Variants in RBM33 observed in about 807,000 individuals in gnomAD.
RBM33 encodes the protein RNA-binding protein 33.
In RBM33, 28 loss-of-function variants were observed where a neutral mutation model predicts 132.6. The ratio of observed to expected loss-of-function variants is 0.21; its 90% CI spans 0.16 to 0.29. RBM33 has a LOEUF of 0.29. RBM33 is among the 10% of genes least tolerant of loss of function. The pLI is 1.00. For synonymous variants in RBM33, 634 were observed against 593.0 expected (o/e 1.07, Z -1.01); for missense variants, 1,291 against 1,518.5 (o/e 0.85, Z 2.49).
intron 1 of RBM33, among the ~76,000 whole-genome samples, chr7:155,663,363 T>C (rs2116888263): frequency 6.6e-6 from 1 of 152,154 alleles, no homozygotes; most frequent in East Asian, 1.9e-4. Context: ...TGTCAGCGCC[T>C]GCTCAGTTTC....
intron 3 of RBM33, among the ~76,000 whole-genome samples, chr7:155,673,768 G>A (rs142143189): frequency 0.036 from 4,751 of 132,898 alleles, 433 homozygotes; most frequent in African/African-American, 0.087. Context: ...GCGCATGCGC[G>A]CACACACACA....
chr7:155,665,366 C>A (rs1798774156), intron 2 of RBM33, 113 bp downstream of exon 2: 3 of 881,282 alleles, frequency 3.4e-6, no homozygotes, highest in East Asian at 2.7e-5. Flanking sequence ...GGCGCTCTCT[C>A]TTGAGTGGGG....
chr7:155,680,991 C>A, intron 5 of RBM33, 83 bp downstream of exon 5: 1 of 1,146,608 alleles, frequency 8.7e-7, no homozygotes, highest in Non-Finnish European at 1.2e-6. Flanking sequence ...ATCTATTTAC[C>A]TCCCCTGGGA....
At chr7:155,674,365 C>T (rs139068235) in intron 3 of RBM33, among the ~76,000 whole-genome samples, 68 of 152,206 alleles carry the variant, frequency 4.5e-4, no homozygotes, top group African/African-American at 1.6e-3. Flanking sequence ...TTTGCATACT[C>T]TTCTAGGTGC....
chr7:155,701,233 C>A, intron 6 of RBM33: 4 of 487,742 alleles, frequency 8.2e-6, no homozygotes, highest in Non-Finnish European at 1.4e-5. Flanking sequence ...TGCTGTGGTT[C>A]CTGGCTGGTC....
chr7:155,652,704 C>T (rs529488199), intron 1 of RBM33, among the ~76,000 whole-genome samples: 1 of 152,222 alleles, frequency 6.6e-6, no homozygotes, highest in South Asian at 2.1e-4. Flanking sequence ...AGGAGATTTT[C>T]CAGGTAAGGA....
chr7:155,647,915 C>T (rs907450848), intron 1 of RBM33, among the ~76,000 whole-genome samples: 3 of 152,124 alleles, frequency 2.0e-5, no homozygotes, highest in African/African-American at 7.2e-5. Flanking sequence ...TCTTCTAGTT[C>T]CAGTGCTTCC....
intron 16 of RBM33, chr7:155,766,936 A>G (rs1432920035): frequency 4.8e-6 from 2 of 417,496 alleles, no homozygotes; most frequent in East Asian, 9.8e-5. Flanking sequence ...GAAGGTTCAC[A>G]CTTGCACACA....
At chr7:155,673,940 G>GTTGTTTTTTGTTTTTTTTTTTT in intron 3 of RBM33, among the ~76,000 whole-genome samples, 5 of 54,214 alleles carry the variant, frequency 9.2e-5, no homozygotes, top group African/African-American at 4.1e-4. Context: ...TTTAGGCTTA[G>GTTGTTTTTTGTTTTTTTTTTTT]TTTTTTTTTT....
At chr7:155,743,486 G>A (rs1047250072) in intron 13 of RBM33, among the ~76,000 whole-genome samples, 1 of 152,200 alleles carries the variant, frequency 6.6e-6, no homozygotes, top group South Asian at 2.1e-4. Flanking sequence ...TCAAAAAGAT[G>A]CCTTGAGTGA....
Position 155,686,978 on chromosome 7 carries a change from C to T in RBM33, c.567+6070C>T, listed in dbSNP as rs562735613. Among the ~76,000 whole-genome samples the T allele has an allele frequency of 2.0e-5, 3 of 152,258 alleles. No homozygotes were observed. In the East Asian group the frequency reaches 5.8e-4, roughly 29 times the overall value. ...TCTTTATAGCAGCATGATTTATAAT[C>T]CTTTGGGTATATACCCAGTAATGGG... On this transcript the variant is annotated intron_variant, in intron 5 of 17. Coordinates refer to ENST00000401878, the MANE Select transcript of RBM33 (RefSeq NM_053043.3).
intron 3 of RBM33, among the ~76,000 whole-genome samples, chr7:155,673,580 GTGTATATATATATACACACATA>G (rs1799029435): frequency 1.4e-5 from 1 of 72,026 alleles, no homozygotes; most frequent in Non-Finnish European, 2.6e-5. Flanking sequence ...ACATACACAC[GTGTATATATATATACACACATA>G]TACATACACA....
At chr7:155,657,874 C>G (rs62482797) in intron 1 of RBM33, among the ~76,000 whole-genome samples, 44 of 28,996 alleles carry the variant, frequency 1.5e-3, no homozygotes, top group African/African-American at 2.4e-3. Context: ...TCATTAAGAA[C>G]TATTTTTTGG....
At chr7:155,650,731 C>G (rs918967039) in intron 1 of RBM33, among the ~76,000 whole-genome samples, 1 of 152,062 alleles carries the variant, frequency 6.6e-6, no homozygotes, top group Non-Finnish European at 1.5e-5. Context: ...TTTCAATTTC[C>G]TGTATTATTA....
intron 1 of RBM33, among the ~76,000 whole-genome samples, chr7:155,655,534 C>CGTTTTT (rs1554465866): frequency 1.2e-5 from 1 of 80,114 alleles, no homozygotes; most frequent in Non-Finnish European, 2.2e-5. Context: ...GGCTGTTTGC[C>CGTTTTT]TTTTTTTTTT....
In RBM33 at chr7:155,644,861, G is replaced by C. The variant is rs535441965; in HGVS notation, c.-16G>C. On this transcript the variant is annotated 5_prime_UTR_variant, in exon 1 of 18. Transcript: ENST00000401878. The stretch of plus-strand genomic sequence containing the variant: ...GGCTTGGTGGGGGAGGCTGAAGGCC[G>C]GGCCCCGCGAGTGCCATGGCGGCCG... 2.0e-6 allele frequency: 3 copies of C among 1,488,038 alleles called. No individual in the cohort carries two copies. The South Asian group carries it at 3.8e-5, about 19-fold the overall frequency. 92.2% of individuals were successfully genotyped at this position (1,488,038 alleles called of 1,614,324 possible). A position where few individuals can be genotyped will look rare whatever the true frequency, so the allele number is the denominator to read the frequency against.
intron 1 of RBM33, among the ~76,000 whole-genome samples, chr7:155,653,985 A>T (rs73736012): frequency 0.037 from 5,708 of 152,256 alleles, 354 homozygotes; most frequent in African/African-American, 0.13. Flanking sequence ...GATTGAATGG[A>T]GTTGTTGGTA....
intron 9 of RBM33, among the ~76,000 whole-genome samples, chr7:155,733,131 C>CA (rs1360856487): frequency 6.6e-6 from 1 of 151,990 alleles, no homozygotes; most frequent in Non-Finnish European, 1.5e-5. Context: ...TTGGCTGAGA[C>CA]AGAAATGTAA....
chr7:155,692,959 C>T (rs1307363764), intron 5 of RBM33, among the ~76,000 whole-genome samples: 1 of 152,040 alleles, frequency 6.6e-6, no homozygotes, highest in Non-Finnish European at 1.5e-5. Context: ...CAAGTGTTGT[C>T]TTAGTTCTGT....
Sources: allele counts gnomAD v4.1 joint callset (sites outside exome capture counted in the v4.1 genomes callset), GRCh38; gene constraint gnomAD v4.1.1; transcripts MANE v1.5; gene names NCBI Gene and HGNC (gene_info 2026-07-23, HGNC 2026-07-21).